Variants in ZNF423 observed in about 807,000 individuals in gnomAD.
ZNF423 encodes the protein zinc finger protein 423.
Under a neutral mutation model 95.8 loss-of-function variants are expected in ZNF423, and 12 were observed. That is an observed-to-expected ratio of 0.13 (90% confidence interval 0.08 to 0.20). The LOEUF (loss-of-function observed/expected upper bound fraction) is 0.20, where lower values mean the gene tolerates loss of function less well. Among genes scored for constraint, ZNF423 ranks in the 10% least tolerant of loss-of-function variants. ZNF423 has a pLI of 1.00. For missense variants in ZNF423, 1,316 were observed against 1,737.1 expected (o/e 0.76, Z 4.31); for synonymous variants, 749 against 711.9 (o/e 1.05, Z -0.83).
intron 2 of ZNF423, among the ~76,000 whole-genome samples, chr16:49,752,425 G>A (rs2033649710): frequency 6.6e-6 from 1 of 152,212 alleles, no homozygotes; most frequent in Admixed American, 6.5e-5. Context: ...TAGGGGTCTG[G>A]GGGAGCAAGG....
Position 49,748,940 on chromosome 16 carries a change from C to G in ZNF423, c.101-17969G>C, listed in dbSNP as rs540133768. ...CCCCTCTCATGCAGAAAGAGGTCAA[C>G]AGAGAAGTCCAGCGCATGGTAAAGA... On this transcript the variant is annotated intron_variant, in intron 2 of 7. Transcript: ENST00000563137. Among the ~76,000 whole-genome samples, 3 of 152,300 alleles carry G rather than the reference C, an allele frequency of 2.0e-5. No individual in the cohort carries two copies. The South Asian group carries it at 6.2e-4, about 32-fold the overall frequency.
chr16:49,664,175 G>T, intron 3 of ZNF423: 5 of 985,550 alleles, frequency 5.1e-6, no homozygotes, highest in Non-Finnish European at 4.8e-6. Context: ...CCCAGCACCC[G>T]GCGGCAGGGC....
At chr16:49,754,336 C>T (rs2033686583) in intron 2 of ZNF423, among the ~76,000 whole-genome samples, 1 of 152,206 alleles carries the variant, frequency 6.6e-6, no homozygotes, top group Admixed American at 6.5e-5. Context: ...TCCCCGATGC[C>T]TAGCACAGTG....
chr16:49,596,093 C>T lies in ZNF423; in HGVS notation c.3601+30077G>A, dbSNP rs974236838. Among the ~76,000 whole-genome samples the T allele has an allele frequency of 3.3e-5, 5 of 152,038 alleles. No homozygotes were observed. In the South Asian group the frequency reaches 6.2e-4, roughly 19 times the overall value. On this transcript the variant is annotated intron_variant, in intron 5 of 7. Transcript: ENST00000563137. The stretch of plus-strand genomic sequence containing the variant: ...AAACCTGGCAGGGGTGCAGTATTTT[C>T]GGTGAAATTAACATAAAATATACAA...
chr16:49,551,115 C>T (rs563539544), intron 5 of ZNF423, among the ~76,000 whole-genome samples: 6 of 152,356 alleles, frequency 3.9e-5, no homozygotes, highest in South Asian at 2.1e-4. Flanking sequence ...GGGCCCCCCA[C>T]GGAAGGCCCT....
In ZNF423 at chr16:49,788,659, C is replaced by A. The variant is rs866081928; in HGVS notation, c.100+828G>T. 4.1e-4 allele frequency among the ~76,000 whole-genome samples: 63 copies of A among 152,312 alleles called. No individual in the cohort carries two copies. In the Middle Eastern group the frequency reaches 0.01, roughly 25 times the overall value. On this transcript the variant is annotated intron_variant, in intron 2 of 7. Coordinates refer to ENST00000563137, the MANE Select transcript of ZNF423 (RefSeq NM_001379286.1). ...AAGACTGAAGCAGCTCCAGCTCCCCCACAAATCCAGAAAAAGCTGGTCAGG... is the reference window on the plus strand; with the variant it reads ...AAGACTGAAGCAGCTCCAGCTCCCCAACAAATCCAGAAAAAGCTGGTCAGG...
intron 5 of ZNF423, among the ~76,000 whole-genome samples, chr16:49,596,168 T>C (rs986101820): frequency 2.0e-5 from 3 of 152,184 alleles, no homozygotes; most frequent in Non-Finnish European, 2.9e-5. Context: ...TGCTTTTACA[T>C]TGGGAAAAAA....
chr16:49,614,123 T>A (rs1250575042), intron 5 of ZNF423, among the ~76,000 whole-genome samples: 1 of 152,140 alleles, frequency 6.6e-6, no homozygotes, highest in South Asian at 2.1e-4. Flanking sequence ...AATGATCCAA[T>A]TAGACAATGG....
intron 1 of ZNF423, among the ~76,000 whole-genome samples, chr16:49,814,053 G>A (rs1021297623): frequency 2.6e-5 from 4 of 152,238 alleles, no homozygotes; most frequent in African/African-American, 9.6e-5. Flanking sequence ...CCCAGAGGAC[G>A]CAGGAAGTGA....
chr16:49,728,170 G>A (rs1596932401), intron 3 of ZNF423, among the ~76,000 whole-genome samples: 1 of 152,144 alleles, frequency 6.6e-6, no homozygotes, highest in East Asian at 1.9e-4. Context: ...CAATGGAAGG[G>A]TGTGGAGGCA....
rs1966873412 is a variant in ZNF423, at chr16:49,488,214, G to C, written c.*3061C>G. ...AGGAGGGAAGAAAAACAGGTGAAAA[G>C]TTCAATATTACACAACTGTGAATTT... On this transcript the variant is annotated 3_prime_UTR_variant, in exon 8 of 8. Transcript: ENST00000563137. 6.6e-6 allele frequency: 1 copy of C among 152,256 alleles called. No homozygotes were observed. Among genetic ancestry groups the C allele is most frequent in the South Asian group, 2.1e-4 (1 of 4,836 alleles). 9.4% of individuals were successfully genotyped at this position (152,256 alleles called of 1,614,324 possible). A position where few individuals can be genotyped will look rare whatever the true frequency, so the allele number is the denominator to read the frequency against.
At chr16:49,691,893 G>A (rs1364616365) in intron 3 of ZNF423, among the ~76,000 whole-genome samples, 1 of 152,076 alleles carries the variant, frequency 6.6e-6, no homozygotes, top group East Asian at 1.9e-4. Context: ...GGACAGGGCG[G>A]CTGTGGCCCC....
chr16:49,799,815 G>C (rs1567348916), intron 1 of ZNF423, among the ~76,000 whole-genome samples: 1 of 152,096 alleles, frequency 6.6e-6, no homozygotes, highest in African/African-American at 2.4e-5. Context: ...TTTAAGACAG[G>C]TTCTCACTGT....
chr16:49,598,304 A>G (rs1971247903), intron 5 of ZNF423, among the ~76,000 whole-genome samples: 1 of 152,262 alleles, frequency 6.6e-6, no homozygotes, highest in East Asian at 1.9e-4. Flanking sequence ...CATGGGAACA[A>G]TAACTCCTAC....
At chr16:49,683,519 T>C (rs976018824) in intron 3 of ZNF423, among the ~76,000 whole-genome samples, 8 of 152,142 alleles carry the variant, frequency 5.3e-5, no homozygotes, top group African/African-American at 1.7e-4. Flanking sequence ...AGCCGCTTAG[T>C]GGTAACCCAG....
At chr16:49,578,651 G>A (rs1015641587) in intron 5 of ZNF423, among the ~76,000 whole-genome samples, 3 of 152,306 alleles carry the variant, frequency 2.0e-5, no homozygotes, top group South Asian at 2.1e-4. Context: ...GGCTCCACAC[G>A]GCTGCCTGGT....
At chr16:49,508,134 G>T (rs960817721) in intron 7 of ZNF423, among the ~76,000 whole-genome samples, 11 of 152,118 alleles carry the variant, frequency 7.2e-5, no homozygotes, top group Non-Finnish European at 1.2e-4. Flanking sequence ...AGGATCAAAT[G>T]TTTTTATGCC....
intron 1 of ZNF423, among the ~76,000 whole-genome samples, chr16:49,793,890 T>C (rs1176987883): frequency 6.6e-6 from 1 of 152,190 alleles, no homozygotes; most frequent in Non-Finnish European, 1.5e-5. Context: ...CAGAGCCCTT[T>C]GCAAACTCAA....
intron 4 of ZNF423, 26 bp from the exon 5 acceptor site, chr16:49,626,280 T>C: frequency 6.2e-7 from 1 of 1,610,130 alleles, no homozygotes; most frequent in Non-Finnish European, 8.5e-7. Flanking sequence ...AAATAAAAGA[T>C]TTAGAGAGGC....
Sources: gnomAD v4.1 joint callset for allele counts (sites outside exome capture counted in the v4.1 genomes callset) on GRCh38, gnomAD v4.1.1 for gene constraint, MANE v1.5 for transcripts, NCBI Gene and HGNC (gene_info 2026-07-23, HGNC 2026-07-21) for gene names.